MAN2A1: variants seen among roughly 807,000 people sequenced by gnomAD.
The protein encoded by MAN2A1 is alpha-mannosidase 2.
A neutral mutation model predicts 142.6 loss-of-function variants in MAN2A1; 76 were observed. The ratio of observed to expected loss-of-function variants is 0.53; its 90% CI spans 0.44 to 0.65. MAN2A1 has a LOEUF of 0.65. Ranked by LOEUF, MAN2A1 falls within the 30% of genes least tolerant of loss-of-function variation. The probability of loss-of-function intolerance (pLI) is 0.00; values close to 1 mark genes in which losing one functional copy is unlikely to be tolerated. For missense variants in MAN2A1, 1,311 were observed against 1,365.1 expected, an observed-to-expected ratio of 0.96 and a Z score of 0.62; for synonymous variants, 559 against 473.2, an observed-to-expected ratio of 1.18 and a Z score of -2.35.
At chr5:109,735,036 C>T (rs1232906673) in intron 4 of MAN2A1, among the ~76,000 whole-genome samples, 1 of 152,124 alleles carries the variant, frequency 6.6e-6, no homozygotes, top group East Asian at 1.9e-4. Flanking sequence ...TCATGACTTG[C>T]TTTGTGAAAC....
At chr5:109,796,231 T>A (rs1753857696) in intron 12 of MAN2A1, among the ~76,000 whole-genome samples, 2 of 152,124 alleles carry the variant, frequency 1.3e-5, no homozygotes, top group Non-Finnish European at 2.9e-5. Context: ...CATTTTTGAG[T>A]TTAAGTTCTT....
intron 1 of MAN2A1, among the ~76,000 whole-genome samples, chr5:109,700,755 A>G (rs1169929021): frequency 1.3e-5 from 2 of 152,088 alleles, no homozygotes; most frequent in African/African-American, 2.4e-5. Context: ...CATAAACTAG[A>G]CCTCAGCAAT....
At chr5:109,814,606 C>T (rs905751115) in intron 12 of MAN2A1, among the ~76,000 whole-genome samples, 9 of 152,066 alleles carry the variant, frequency 5.9e-5, no homozygotes, top group Non-Finnish European at 1.0e-4. Flanking sequence ...TGAATAGATT[C>T]CTGGCATGAT....
chr5:109,827,912 T>TTGATG (rs1295530777), intron 16 of MAN2A1, among the ~76,000 whole-genome samples: 1 of 152,068 alleles, frequency 6.6e-6, no homozygotes, highest in African/African-American at 2.4e-5. Flanking sequence ...CCATCCTGGC[T>TTGATG]AACAAGGTGA....
chr5:109,818,363 C>T (rs1754527794), intron 13 of MAN2A1, among the ~76,000 whole-genome samples: 1 of 152,018 alleles, frequency 6.6e-6, no homozygotes, highest in Admixed American at 6.6e-5. Context: ...GTCTCAAACT[C>T]CTGACCCCGT....
In MAN2A1 at chr5:109,866,879, G is replaced by A. The variant is rs1368120832; in HGVS notation, c.3316G>A (p.Val1106Ile). 6.2e-7 allele frequency: 1 copy of A among 1,609,188 alleles called. No homozygotes were observed. Among genetic ancestry groups the A allele is most frequent in the East Asian group, 2.2e-5 (1 of 44,660 alleles). Residue 1106 changes from valine (V) to isoleucine (I), a missense_variant, in exon 22 of 22, where the codon GTC (valine) becomes ATC (isoleucine). Physicochemically the swap from Val to Ile is conservative, Grantham distance 29. Around this residue, in one of 3 missense-constraint regions of MAN2A1, gnomAD observed 890 missense variants for 920.5 expected, o/e 0.97. Coordinates refer to ENST00000261483, the MANE Select transcript of MAN2A1 (RefSeq NM_002372.4). Reference protein sequence around the residue: ...LVQKLLNKFIVESLTPSSLSL... With the variant: ...LVQKLLNKFIIESLTPSSLSL... The stretch of plus-strand genomic sequence containing the variant: ...ACAGAAACTTTTAAACAAGTTTATT[G>A]TCGAAAGTCTCACACCTTCATCACT...
intron 4 of MAN2A1, among the ~76,000 whole-genome samples, chr5:109,754,929 AGG>A (rs1752647594): frequency 3.9e-5 from 6 of 152,244 alleles, no homozygotes; most frequent in Non-Finnish European, 5.9e-5. Context: ...TGAACCTGGG[AGG>A]CGGAGGTTGC....
chr5:109,695,589 G>A (rs1352217759), intron 1 of MAN2A1, among the ~76,000 whole-genome samples: 1 of 152,036 alleles, frequency 6.6e-6, no homozygotes, highest in African/African-American at 2.4e-5. Flanking sequence ...TCCAACTTCT[G>A]TAATCTTTAA....
At chr5:109,692,489 T>G (rs1750699061) in intron 1 of MAN2A1, among the ~76,000 whole-genome samples, 1 of 152,138 alleles carries the variant, frequency 6.6e-6, no homozygotes, top group South Asian at 2.1e-4. Context: ...GTTATGTGTG[T>G]GACATTAGCC....
chr5:109,816,063 G>A (rs1212571833), intron 12 of MAN2A1, among the ~76,000 whole-genome samples: 1 of 152,154 alleles, frequency 6.6e-6, no homozygotes, highest in African/African-American at 2.4e-5. Flanking sequence ...GCAATGTGAT[G>A]GTCTAGAACG....
chr5:109,818,357 C>A (rs889936420), intron 13 of MAN2A1, among the ~76,000 whole-genome samples: 11 of 152,040 alleles, frequency 7.2e-5, no homozygotes, highest in Non-Finnish European at 1.2e-4. Flanking sequence ...GGGCTGGTCT[C>A]AAACTCCTGA....
chr5:109,788,727 C>T (rs978579716), intron 10 of MAN2A1, among the ~76,000 whole-genome samples: 3 of 151,534 alleles, frequency 2.0e-5, no homozygotes, highest in Non-Finnish European at 3.0e-5. Flanking sequence ...AGAAAGCTTT[C>T]GGTTTTAAAT....
At chr5:109,722,844 A>C (rs908040769) in intron 3 of MAN2A1, among the ~76,000 whole-genome samples, 2 of 152,194 alleles carry the variant, frequency 1.3e-5, no homozygotes, top group African/African-American at 4.8e-5. Context: ...TTTCTTTCTA[A>C]CAGTGTCTGT....
chr5:109,807,287 A>T (rs1280592366), intron 12 of MAN2A1, among the ~76,000 whole-genome samples: 45 of 152,164 alleles, frequency 3.0e-4, no homozygotes, highest in Non-Finnish European at 1.0e-4. Context: ...TGGTGGTATG[A>T]AACTGGAAGT....
chr5:109,785,108 C>G (rs917717010), intron 10 of MAN2A1, among the ~76,000 whole-genome samples, 182 bp downstream of exon 10: 4 of 151,994 alleles, frequency 2.6e-5, no homozygotes, highest in African/African-American at 9.7e-5. Context: ...TGACAGAGTC[C>G]CAGCTGCACC....
At chr5:109,754,772 C>T (rs1315155741) in intron 4 of MAN2A1, among the ~76,000 whole-genome samples, 1 of 152,178 alleles carries the variant, frequency 6.6e-6, no homozygotes, top group African/African-American at 2.4e-5. Context: ...GAAGCTGAGG[C>T]GGGCAAATCA....
In MAN2A1 at chr5:109,850,522, A is replaced by T. The variant is rs947836384; in HGVS notation, c.2976+2732A>T. 2.6e-5 allele frequency among the ~76,000 whole-genome samples: 4 copies of T among 152,326 alleles called. No individual in the cohort carries two copies. The South Asian group carries it at 8.3e-4, about 32-fold the overall frequency. On this transcript the variant is annotated intron_variant, in intron 19 of 21. Transcript: ENST00000261483. ...GATGTCAAGAGCCATACCATTCTTG[A>T]GACTCATATTTTAAATCAATCACTG...
At chr5:109,758,501 T>A (rs1003768695) in intron 5 of MAN2A1, among the ~76,000 whole-genome samples, 1 of 151,564 alleles carries the variant, frequency 6.6e-6, no homozygotes, top group African/African-American at 2.4e-5. Flanking sequence ...TGTCTTTTAG[T>A]GCACAAGTTT....
intron 12 of MAN2A1, among the ~76,000 whole-genome samples, chr5:109,805,601 C>A (rs1431654424): frequency 6.6e-6 from 1 of 152,070 alleles, no homozygotes; most frequent in African/African-American, 2.4e-5. Context: ...GTGAAGGGAC[C>A]CTTGCATGAG....
Sources: gnomAD v4.1 joint callset for allele counts (sites outside exome capture counted in the v4.1 genomes callset) on GRCh38, gnomAD v4.1.1 for gene constraint, gnomAD v4.1.1 regional missense constraint, MANE v1.5 for transcripts, NCBI Gene and HGNC (gene_info 2026-07-23, HGNC 2026-07-21) for gene names.